CSMD1: variants seen among roughly 807,000 people sequenced by gnomAD.
CSMD1 encodes CUB and sushi domain-containing protein 1.
Under a neutral mutation model 417.5 loss-of-function variants are expected in CSMD1, and 213 were observed. The ratio of observed to expected loss-of-function variants is 0.51; its 90% CI spans 0.46 to 0.57. CSMD1 has a LOEUF of 0.57. CSMD1 is among the 20% of genes least tolerant of loss of function. The pLI is 0.00. For synonymous variants in CSMD1, 2,862 were observed against 1,736.8 expected (o/e 1.65, Z -16.11); for missense variants, 6,923 against 4,529.7 (o/e 1.53, Z -15.17).
At chr8:3,694,445 A>G (rs1362016347) in intron 7 of CSMD1, among the ~76,000 whole-genome samples, 1 of 152,176 alleles carries the variant, frequency 6.6e-6, no homozygotes, top group Non-Finnish European at 1.5e-5. Context: ...AGACAGCTGC[A>G]TACATGAGTC....
intron 26 of CSMD1, among the ~76,000 whole-genome samples, chr8:3,254,959 G>A (rs576750010): frequency 6.6e-6 from 1 of 152,214 alleles, no homozygotes; most frequent in African/African-American, 2.4e-5. Context: ...GATTTTTAGA[G>A]TTTACAGTTT....
At chr8:4,137,249 T>C (rs1392255136) in intron 3 of CSMD1, among the ~76,000 whole-genome samples, 1 of 152,170 alleles carries the variant, frequency 6.6e-6, no homozygotes, top group African/African-American at 2.4e-5. Flanking sequence ...TCTTTTCTGG[T>C]AGCTATGAGA....
At chr8:4,178,257 G>T (rs550392302) in intron 3 of CSMD1, among the ~76,000 whole-genome samples, 2 of 152,136 alleles carry the variant, frequency 1.3e-5, no homozygotes, top group East Asian at 3.9e-4. Context: ...TCATCCCTGG[G>T]ATGCAAGGCT....
chr8:4,291,490 G>C (rs1458529939), intron 3 of CSMD1, among the ~76,000 whole-genome samples: 1 of 152,086 alleles, frequency 6.6e-6, no homozygotes, highest in African/African-American at 2.4e-5. Context: ...CTAATTCCCA[G>C]TGATTCTGAC....
At chr8:4,081,920 G>C (rs560718176) in intron 3 of CSMD1, among the ~76,000 whole-genome samples, 11 of 152,076 alleles carry the variant, frequency 7.2e-5, no homozygotes, top group Admixed American at 3.3e-4. Context: ...GGAGTGTGTA[G>C]CTTAAATACT....
intron 5 of CSMD1, among the ~76,000 whole-genome samples, chr8:3,864,281 T>C (rs936803035): frequency 6.6e-6 from 1 of 152,156 alleles, no homozygotes; most frequent in African/African-American, 2.4e-5. Flanking sequence ...AACTCAATAA[T>C]TTGGCCAATA....
chr8:4,422,882 T>G (rs1797328844), intron 2 of CSMD1, among the ~76,000 whole-genome samples: 2 of 151,996 alleles, frequency 1.3e-5, no homozygotes, highest in Admixed American at 1.3e-4. Flanking sequence ...TCTTTGAAAA[T>G]TAATCCATAT....
chr8:3,943,822 G>T lies in CSMD1; in HGVS notation c.818+54081C>A, dbSNP rs564107954. ...TAATTGGCCCTTACTCTCCAAAAGT[G>T]TAAAGGATATGGAAGGAAAAAATTG... On this transcript the variant is annotated intron_variant, in intron 5 of 69. Transcript: ENST00000635120. Among the ~76,000 whole-genome samples, 15 of 152,188 alleles carry T rather than the reference G, an allele frequency of 9.9e-5. No individual in the cohort carries two copies. In the South Asian group the frequency reaches 2.9e-3, roughly 29 times the overall value.
At chr8:3,084,427 G>T (rs189260101) in intron 49 of CSMD1, among the ~76,000 whole-genome samples, 2 of 150,744 alleles carry the variant, frequency 1.3e-5, no homozygotes, top group East Asian at 3.9e-4. Flanking sequence ...GGAGGCTGAG[G>T]CAGGAGAATT....
chr8:4,229,513 A>G (rs150432060), intron 3 of CSMD1, among the ~76,000 whole-genome samples: 3 of 152,142 alleles, frequency 2.0e-5, no homozygotes, highest in African/African-American at 7.2e-5. Flanking sequence ...ATATAATTCT[A>G]CTGTAGCTTT....
In CSMD1 at chr8:4,400,893, A is replaced by G. The variant is rs548799966; in HGVS notation, c.415+19060T>C. On this transcript the variant is annotated intron_variant, in intron 3 of 69. Transcript: ENST00000635120. ...CTCAACATGGATTTACCAGGTGCCA[A>G]TCTTTTGTATATTGCAATGACTCAG... Among the ~76,000 whole-genome samples the G allele has an allele frequency of 8.5e-5, 13 of 152,188 alleles. No homozygotes were observed. In the South Asian group the frequency reaches 2.5e-3, roughly 29 times the overall value.
In CSMD1 at chr8:4,578,154, A is replaced by G. The variant is rs185732541; in HGVS notation, c.302+59188T>C. Among the ~76,000 whole-genome samples, 246 of 152,026 alleles carry G rather than the reference A, an allele frequency of 1.6e-3. 1 individual carries two copies. The highest frequency in any genetic ancestry group is 5.7e-3 in the African/African-American group (237 of 41,476). On this transcript the variant is annotated intron_variant, in intron 2 of 69. Transcript: ENST00000635120. The stretch of plus-strand genomic sequence containing the variant: ...CCCCCACATCTTACCACAGGCTGAT[A>G]AAAGAGCATTTTTTGTTCTTTTTTG...
At chr8:3,956,554 ATACT>A (rs1046961046) in intron 5 of CSMD1, among the ~76,000 whole-genome samples, 6 of 152,212 alleles carry the variant, frequency 3.9e-5, no homozygotes, top group African/African-American at 1.4e-4. Context: ...TTTTTATCAA[ATACT>A]TAATATGTAT....
At chr8:3,462,892 C>T (rs1042084316) in intron 12 of CSMD1, among the ~76,000 whole-genome samples, 2 of 152,138 alleles carry the variant, frequency 1.3e-5, no homozygotes, top group Non-Finnish European at 1.5e-5. Flanking sequence ...AGAGATGGGC[C>T]AGCCTTTAGA....
At chr8:4,214,934 A>G (rs970889984) in intron 3 of CSMD1, among the ~76,000 whole-genome samples, 6 of 152,152 alleles carry the variant, frequency 3.9e-5, no homozygotes, top group Admixed American at 3.9e-4. Flanking sequence ...CTCACTTTTA[A>G]TGAGCACAAA....
chr8:4,831,498 C>A (rs1300257589), intron 1 of CSMD1, among the ~76,000 whole-genome samples: 1 of 152,130 alleles, frequency 6.6e-6, no homozygotes, highest in African/African-American at 2.4e-5. Context: ...TGTCAAGATG[C>A]TGCTCATTGC....
intron 20 of CSMD1, 143 bp downstream of exon 20, chr8:3,366,889 C>A: frequency 1.4e-6 from 1 of 709,970 alleles, no homozygotes; most frequent in South Asian, 1.8e-5. Context: ...CTCCTGCACC[C>A]CATTAGTTGG....
chr8:4,539,234 C>T (rs749753177), intron 2 of CSMD1, among the ~76,000 whole-genome samples: 6 of 152,146 alleles, frequency 3.9e-5, no homozygotes, highest in Admixed American at 3.9e-4. Flanking sequence ...TCAGCAGACA[C>T]TAAATATTGC....
chr8:3,911,390 T>C (rs753762556), intron 5 of CSMD1, among the ~76,000 whole-genome samples: 4 of 151,710 alleles, frequency 2.6e-5, no homozygotes, highest in Non-Finnish European at 2.9e-5. Flanking sequence ...TAGCTGGGTA[T>C]GGTGGCGGGC....
Sources: allele counts gnomAD v4.1 joint callset (sites outside exome capture counted in the v4.1 genomes callset), GRCh38; gene constraint gnomAD v4.1.1; transcripts MANE v1.5; gene names NCBI Gene and HGNC (gene_info 2026-07-23, HGNC 2026-07-21).